TJP1: variants seen among roughly 807,000 people sequenced by gnomAD.
The protein encoded by TJP1 is tight junction protein ZO-1.
Under a neutral mutation model 194.2 loss-of-function variants are expected in TJP1, and 43 were observed. The observed-to-expected ratio is 0.22, with a 90% CI of 0.17 to 0.29. The LOEUF is 0.29. Ranked by LOEUF, TJP1 falls within the 10% of genes least tolerant of loss-of-function variation. The probability of loss-of-function intolerance (pLI) is 1.00; values close to 1 mark genes in which losing one functional copy is unlikely to be tolerated. For synonymous variants in TJP1, 801 were observed against 779.0 expected, an observed-to-expected ratio of 1.03 and a Z score of -0.47; for missense variants, 1,971 against 2,185.7, an observed-to-expected ratio of 0.90 and a Z score of 1.96.
chr15:29,738,864 C>T (rs1359470181), intron 10 of TJP1, among the ~76,000 whole-genome samples: 1 of 6,444 alleles, frequency 1.6e-4, no homozygotes, highest in Admixed American at 3.0e-3. Flanking sequence ...CCTGTCACTA[C>T]TAAAAAAAAA....
Position 29,894,619 on chromosome 15 carries a change from T to C in TJP1, c.306+61613A>G, listed in dbSNP as rs186172561. Reference sequence around the variant, plus strand: ...TGAGCACAGCCCAGAGCACACCTATTGCGAGCTGTAGTCAGGTGCCTGCAG... The same window carrying C: ...TGAGCACAGCCCAGAGCACACCTATCGCGAGCTGTAGTCAGGTGCCTGCAG... On this transcript the variant is annotated intron_variant, in intron 2 of 28. Transcript: ENST00000356107. Among the ~76,000 whole-genome samples, 3 of 152,272 alleles carry C rather than the reference T, an allele frequency of 2.0e-5. No homozygotes were observed. In the East Asian group the frequency reaches 5.8e-4, roughly 29 times the overall value.
intron 12 of TJP1, 91 bp from the exon 13 acceptor site, chr15:29,733,404 C>T: frequency 1.2e-6 from 1 of 865,186 alleles, no homozygotes. Flanking sequence ...ATGATAATAT[C>T]AATAATAATA....
chr15:29,852,157 G>A (rs914480602), intron 2 of TJP1, among the ~76,000 whole-genome samples: 3 of 152,142 alleles, frequency 2.0e-5, no homozygotes, highest in South Asian at 2.1e-4. Flanking sequence ...TTTTTGTTCT[G>A]CTAAAGAGCT....
chr15:29,798,188 C>G (rs1419353578), intron 2 of TJP1, among the ~76,000 whole-genome samples: 1 of 151,874 alleles, frequency 6.6e-6, no homozygotes, highest in Non-Finnish European at 1.5e-5. Context: ...CCAGGCTGGT[C>G]TCAAACTCCT....
At chr15:29,864,644 C>T (rs2052236583) in intron 2 of TJP1, among the ~76,000 whole-genome samples, 1 of 152,090 alleles carries the variant, frequency 6.6e-6, no homozygotes, top group African/African-American at 2.4e-5. Flanking sequence ...GAGGAAGGAA[C>T]CTGGAAGTTG....
chr15:29,952,385 A>G (rs1170782390), intron 2 of TJP1, among the ~76,000 whole-genome samples: 3 of 152,188 alleles, frequency 2.0e-5, no homozygotes, highest in Admixed American at 2.0e-4. Context: ...CTGCAGGGTT[A>G]CAAAATGAAC....
chr15:29,727,104 G>A (rs1286032562), intron 16 of TJP1, 113 bp from the exon 17 acceptor site: 1 of 896,990 alleles, frequency 1.1e-6, no homozygotes, highest in Non-Finnish European at 1.7e-6. Context: ...AGCACTTTGG[G>A]AGGTCGAGGT....
chr15:29,911,090 C>A (rs1428825690), intron 2 of TJP1, among the ~76,000 whole-genome samples: 1 of 152,210 alleles, frequency 6.6e-6, no homozygotes, highest in Non-Finnish European at 1.5e-5. Context: ...AAGATTCAGT[C>A]ACCTTATTCC....
rs368754484 is a variant in TJP1 at position 29,961,813 on chromosome 15, C to T, written c.174-5449G>A. On this transcript the variant is annotated intron_variant, in intron 1 of 28. Transcript: ENST00000356107. ...CCCGAGGTAAGAGAGGAAGCATCCC[C>T]TCAGAGGCTTGCAGACCAGTGTGGC... 9.2e-5 allele frequency among the ~76,000 whole-genome samples: 14 copies of T among 152,326 alleles called. No individual in the cohort carries two copies. The South Asian group carries it at 2.7e-3, about 29-fold the overall frequency.
chr15:29,945,881 T>C (rs1037895705), intron 2 of TJP1, among the ~76,000 whole-genome samples: 11 of 152,200 alleles, frequency 7.2e-5, no homozygotes, highest in African/African-American at 2.2e-4. Flanking sequence ...GTATCTTTTC[T>C]GCTGTCTGCT....
intron 2 of TJP1, among the ~76,000 whole-genome samples, chr15:29,870,415 A>T (rs1160041155): frequency 2.0e-5 from 3 of 152,222 alleles, no homozygotes; most frequent in Non-Finnish European, 4.4e-5. Flanking sequence ...ATTATCTTAT[A>T]ATACACAGAG....
chr15:29,949,531 C>T (rs533090725), intron 2 of TJP1, among the ~76,000 whole-genome samples: 20 of 144,000 alleles, frequency 1.4e-4, no homozygotes, highest in African/African-American at 2.3e-4. Context: ...CCACCACCAC[C>T]TCCACCACCA....
At chr15:29,737,471 A>T in intron 10 of TJP1, 57 bp from the exon 11 acceptor site, 1 of 1,584,154 alleles carries the variant, frequency 6.3e-7, no homozygotes, top group Non-Finnish European at 8.7e-7. Context: ...ACGTTATAGC[A>T]ATCACTACAG....
intron 1 of TJP1, among the ~76,000 whole-genome samples, chr15:29,801,405 C>A (rs1288739960): frequency 6.6e-6 from 1 of 151,992 alleles, no homozygotes; most frequent in African/African-American, 2.4e-5. Context: ...CAAATTATAG[C>A]GTACTTCAGT....
intron 1 of TJP1, among the ~76,000 whole-genome samples, chr15:29,807,146 A>C (rs1269964626): frequency 6.6e-6 from 1 of 152,224 alleles, no homozygotes. Context: ...ACAGTTTAGG[A>C]AACAAATGAT....
intron 2 of TJP1, among the ~76,000 whole-genome samples, chr15:29,902,449 T>C (rs1390459466): frequency 2.6e-5 from 4 of 152,158 alleles, no homozygotes; most frequent in Non-Finnish European, 5.9e-5. Flanking sequence ...TAAAAAAACT[T>C]TCCATTAAAT....
intron 2 of TJP1, among the ~76,000 whole-genome samples, chr15:29,926,012 G>A (rs996714703): frequency 7.2e-5 from 11 of 152,160 alleles, no homozygotes; most frequent in African/African-American, 2.7e-4. Context: ...AGCAAGCCTT[G>A]GAGGGAGGGA....
chr15:29,793,878 A>C (rs551599228), intron 2 of TJP1, among the ~76,000 whole-genome samples: 1 of 152,286 alleles, frequency 6.6e-6, no homozygotes, highest in East Asian at 1.9e-4. Flanking sequence ...ATGATCTTTT[A>C]AATATGTAGT....
At chr15:29,720,074 C>T in intron 19 of TJP1, 58 bp from the exon 20 acceptor site, 1 of 1,529,938 alleles carries the variant, frequency 6.5e-7, no homozygotes, top group East Asian at 2.3e-5. Context: ...TAACTTTCCA[C>T]TTCAATTTAT....
Sources: allele counts gnomAD v4.1 joint callset (sites outside exome capture counted in the v4.1 genomes callset), GRCh38; gene constraint gnomAD v4.1.1; transcripts MANE v1.5; gene names NCBI Gene and HGNC (gene_info 2026-07-23, HGNC 2026-07-21).